EML6: variants seen among roughly 807,000 people sequenced by gnomAD.
EML6 encodes the protein echinoderm microtubule-associated protein-like 6.
In EML6, 154 loss-of-function variants were observed where a neutral mutation model predicts 240.1. That is an observed-to-expected ratio of 0.64 (90% CI 0.56 to 0.73). The LOEUF is 0.73. EML6 is among the 30% of genes least tolerant of loss of function. The pLI, the probability that EML6 is intolerant of heterozygous loss-of-function variation, is 0.00. For synonymous variants in EML6, 1,148 were observed against 899.0 expected, an observed-to-expected ratio of 1.28 and a Z score of -4.95; for missense variants, 2,964 against 2,474.6, an observed-to-expected ratio of 1.20 and a Z score of -4.20.
chr2:54,832,183 A>G (rs1668905869), intron 7 of EML6, among the ~76,000 whole-genome samples: 1 of 152,220 alleles, frequency 6.6e-6, no homozygotes, highest in Non-Finnish European at 1.5e-5. Flanking sequence ...CCTGGTTTGA[A>G]TTACTGGTAA....
At chr2:54,819,755 C>G (rs896326301) in intron 4 of EML6, among the ~76,000 whole-genome samples, 1 of 126,616 alleles carries the variant, frequency 7.9e-6, no homozygotes, top group Non-Finnish European at 1.6e-5. Flanking sequence ...AGCCTGGTGA[C>G]GGAGCGAGAC....
At chr2:54,936,064 G>A (rs1675119473) in intron 28 of EML6, among the ~76,000 whole-genome samples, 2 of 152,116 alleles carry the variant, frequency 1.3e-5, no homozygotes. Flanking sequence ...TAAACATCTT[G>A]GGCTCATCTC....
chr2:54,770,380 T>C (rs987189776), intron 2 of EML6, among the ~76,000 whole-genome samples: 6 of 152,214 alleles, frequency 3.9e-5, no homozygotes, highest in Non-Finnish European at 8.8e-5. Context: ...TCCAGTTCTG[T>C]TCCATGGTTC....
At chr2:54,885,183 G>A (rs1386576138) in intron 17 of EML6, among the ~76,000 whole-genome samples, 2 of 152,084 alleles carry the variant, frequency 1.3e-5, no homozygotes, top group East Asian at 3.9e-4. Flanking sequence ...GGTGGCTCAC[G>A]CCTGTAATCC....
Position 54,970,161 on chromosome 2 carries a change from G to C in EML6, c.*66G>C, listed in dbSNP as rs1163586702. 6.7e-7 allele frequency: 1 copy of C among 1,501,178 alleles called. No individual in the cohort carries two copies. The highest frequency in any genetic ancestry group is 1.4e-5 in the African/African-American group (1 of 72,056). 93.0% of individuals were successfully genotyped at this position (1,501,178 alleles called of 1,614,324 possible). On this transcript the variant is annotated 3_prime_UTR_variant, in exon 42 of 42. Transcript: ENST00000356458. Reference sequence around the variant, plus strand: ...AGCCAGCAACTGCAGAGGCCATGCTGAGGTGCCTCCTTGCCACCAGCCGTT... The same window carrying C: ...AGCCAGCAACTGCAGAGGCCATGCTCAGGTGCCTCCTTGCCACCAGCCGTT...
intron 2 of EML6, among the ~76,000 whole-genome samples, chr2:54,808,793 G>A (rs550644912): frequency 6.6e-6 from 1 of 152,230 alleles, no homozygotes; most frequent in Non-Finnish European, 1.5e-5. Context: ...TTCACAAGAT[G>A]TTTGGAAATC....
At chr2:54,829,222 G>T in intron 6 of EML6, 120 bp from the exon 7 acceptor site, 1 of 882,802 alleles carries the variant, frequency 1.1e-6, no homozygotes, top group Non-Finnish European at 1.7e-6. Context: ...TTTCAATAGA[G>T]AACAAAGGGG....
intron 2 of EML6, among the ~76,000 whole-genome samples, chr2:54,735,281 T>A (rs1683342753): frequency 6.6e-6 from 1 of 152,244 alleles, no homozygotes; most frequent in Non-Finnish European, 1.5e-5. Flanking sequence ...CCATCTGGTT[T>A]GAATTTCATG....
chr2:54,869,621 G>C (rs562279216), intron 15 of EML6, among the ~76,000 whole-genome samples: 31 of 152,242 alleles, frequency 2.0e-4, no homozygotes, highest in Non-Finnish European at 4.0e-4. Flanking sequence ...AAACTAAAAT[G>C]GTGAAAGTTT....
At chr2:54,910,883 T>A in intron 24 of EML6, 71 bp from the exon 25 acceptor site, 1 of 735,644 alleles carries the variant, frequency 1.4e-6, no homozygotes, top group East Asian at 2.7e-5. Flanking sequence ...ATAGCACCCA[T>A]GCTTCTCATT....
chr2:54,815,617 C>G (rs920537445), intron 3 of EML6, among the ~76,000 whole-genome samples: 1 of 152,100 alleles, frequency 6.6e-6, no homozygotes, highest in African/African-American at 2.4e-5. Flanking sequence ...AAAATACAAC[C>G]ACATCTTGTT....
intron 17 of EML6, among the ~76,000 whole-genome samples, chr2:54,884,836 G>C (rs1436963513): frequency 2.0e-5 from 3 of 152,248 alleles, no homozygotes; most frequent in South Asian, 4.1e-4. Flanking sequence ...TCTCTCTAAA[G>C]TATATATTAA....
chr2:54,819,605 G>C (rs554175019), intron 4 of EML6, among the ~76,000 whole-genome samples: 1 of 151,846 alleles, frequency 6.6e-6, no homozygotes, highest in African/African-American at 2.4e-5. Context: ...GTGAAACCCC[G>C]TCTCTACTAA....
At chr2:54,948,992 T>G in intron 29 of EML6, 32 bp downstream of exon 29, 2 of 1,473,504 alleles carry the variant, frequency 1.4e-6, no homozygotes, top group Non-Finnish European at 1.9e-6. Context: ...AGTCTGATAT[T>G]GACGTTCTAA....
At chr2:54,924,553 T>A (rs116449898) in intron 26 of EML6, among the ~76,000 whole-genome samples, 12,529 of 152,086 alleles carry the variant, frequency 0.082, 666 homozygotes, top group Admixed American at 0.12. Context: ...TTATTTTTTT[T>A]TAAAAAAATT....
At chr2:54,849,274 A>T (rs756867601) in intron 9 of EML6, among the ~76,000 whole-genome samples, 1 of 152,220 alleles carries the variant, frequency 6.6e-6, no homozygotes, top group Non-Finnish European at 1.5e-5. Flanking sequence ...TGCTAGAGAC[A>T]TTTGAATTAT....
chr2:54,747,991 G>C (rs1008988585), intron 2 of EML6, among the ~76,000 whole-genome samples: 1 of 152,038 alleles, frequency 6.6e-6, no homozygotes, highest in Admixed American at 6.5e-5. Flanking sequence ...ACAATTTATA[G>C]GTTTAGAAAC....
At chr2:54,788,408 T>A (rs571444493) in intron 2 of EML6, among the ~76,000 whole-genome samples, 1 of 152,232 alleles carries the variant, frequency 6.6e-6, no homozygotes, top group Non-Finnish European at 1.5e-5. Flanking sequence ...TGGCTGCCAC[T>A]ATAACCGAGT....
At chr2:54,931,975 T>C (rs1293031633) in intron 28 of EML6, among the ~76,000 whole-genome samples, 2 of 152,196 alleles carry the variant, frequency 1.3e-5, no homozygotes, top group African/African-American at 4.8e-5. Flanking sequence ...TTAAGATATT[T>C]GTGGATTGTT....
Sources: allele counts gnomAD v4.1 joint callset (sites outside exome capture counted in the v4.1 genomes callset), GRCh38; gene constraint gnomAD v4.1.1; transcripts MANE v1.5; gene names NCBI Gene and HGNC (gene_info 2026-07-23, HGNC 2026-07-21).